EFL1: variants seen among roughly 807,000 people sequenced by gnomAD.
EFL1 encodes the protein elongation factor like GTPase 1, also known as elongation factor-like GTPase 1.
A neutral mutation model predicts 126.7 loss-of-function variants in EFL1; 76 were observed. The ratio of observed to expected loss-of-function variants is 0.60; its 90% CI spans 0.50 to 0.73. The LOEUF (loss-of-function observed/expected upper bound fraction) is 0.73, where lower values mean the gene tolerates loss of function less well. Ranked by LOEUF, EFL1 falls within the 30% of genes least tolerant of loss-of-function variation. EFL1 has a pLI of 0.00. For missense variants in EFL1, 1,128 were observed against 1,343.2 expected (o/e 0.84, Z 2.50); for synonymous variants, 410 against 448.4 (o/e 0.91, Z 1.08).
Position 82,259,121 on chromosome 15 carries a change from G to A in EFL1, c.126C>T (p.Ser42=), listed in dbSNP as rs758970278. 10 of 1,613,856 alleles carry A rather than the reference G, an allele frequency of 6.2e-6. No individual in the cohort carries two copies. The African/African-American group carries it at 1.3e-4, about 22-fold the overall frequency. The change falls in exon 3 of 20, where the codon AGC becomes AGT. Residue 42 remains serine, a synonymous_variant. Transcript: ENST00000268206. Reference sequence around the variant, plus strand: ...CTAGGCGGCTGGAGATGATTCCATTGCTAGATATAAGACAGTCAGCCAGAG... The same window carrying A: ...CTAGGCGGCTGGAGATGATTCCATTACTAGATATAAGACAGTCAGCCAGAG... ...KTTLADCLIS[S]NGIISSRLAG... is the part of the protein sequence containing the mutation.
intron 3 of EFL1, among the ~76,000 whole-genome samples, chr15:82,258,629 T>C (rs962372444): frequency 7.2e-5 from 11 of 152,342 alleles, no homozygotes; most frequent in Non-Finnish European, 1.3e-4. Context: ...GATACTTAGG[T>C]TAACTTTTAA....
Position 82,219,672 on chromosome 15 carries a change from G to A in EFL1, c.1591C>T (p.Pro531Ser), listed in dbSNP as rs2074687441. 1 of 1,612,196 alleles carries A rather than the reference G, an allele frequency of 6.2e-7. No homozygotes were observed. The change falls in exon 14 of 20, where the codon CCT becomes TCT. Residue 531 changes from proline (P) to serine (S), a missense_variant. By Grantham distance (74) the Pro-to-Ser change is moderately conservative. Around this residue, in one of 6 missense-constraint regions of EFL1, gnomAD observed 120 missense variants for 142.1 expected, o/e 0.84. Coordinates refer to ENST00000268206, the MANE Select transcript of EFL1 (RefSeq NM_024580.6). ...KIFVLGPKYS[P>S]LEFLRRVPLG... Reference sequence around the variant, plus strand: ...CTTACCCTTCGTAAAAACTCAAGAGGACTGTATTTGGGCCCCAAGACAAAA... The same window carrying A: ...CTTACCCTTCGTAAAAACTCAAGAGAACTGTATTTGGGCCCCAAGACAAAA...
chr15:82,235,066 A>G (rs1380752877), intron 7 of EFL1, among the ~76,000 whole-genome samples: 8 of 152,160 alleles, frequency 5.3e-5, no homozygotes, highest in Non-Finnish European at 1.2e-4. Context: ...CTTATACCCC[A>G]TAGGGAAGAC....
chr15:82,247,248 G>A (rs1328189104), intron 4 of EFL1, among the ~76,000 whole-genome samples: 1 of 152,144 alleles, frequency 6.6e-6, no homozygotes. Context: ...GGTCGAAGAT[G>A]GATAGCTCAA....
chr15:82,186,379 C>G (rs979080976), intron 15 of EFL1, among the ~76,000 whole-genome samples: 2 of 152,194 alleles, frequency 1.3e-5, no homozygotes, highest in Non-Finnish European at 2.9e-5. Context: ...ACTATATTGT[C>G]TGGCTCTTTA....
chr15:82,254,387 C>A (rs2075049242), intron 3 of EFL1, among the ~76,000 whole-genome samples: 1 of 151,972 alleles, frequency 6.6e-6, no homozygotes. Flanking sequence ...TTTTTAAGCA[C>A]TGAATTGGTA....
intron 17 of EFL1, among the ~76,000 whole-genome samples, chr15:82,156,292 A>ATTCTATTTT (rs1269771003): frequency 6.6e-6 from 1 of 152,092 alleles, no homozygotes; most frequent in East Asian, 1.9e-4. Flanking sequence ...AGCAGCAGTT[A>ATTCTATTTT]TTCTATTTTT....
chr15:82,166,418 T>C (rs2074080103), intron 15 of EFL1, among the ~76,000 whole-genome samples: 1 of 152,238 alleles, frequency 6.6e-6, no homozygotes, highest in South Asian at 2.1e-4. Flanking sequence ...TTAGAATTTA[T>C]GGAAAAAGCA....
intron 14 of EFL1, among the ~76,000 whole-genome samples, chr15:82,217,723 C>T (rs377257806): frequency 1.7e-4 from 26 of 152,294 alleles, no homozygotes; most frequent in African/African-American, 6.3e-4. Flanking sequence ...AGTGTTCACA[C>T]CTTTGTTTAG....
At chr15:82,161,457 A>C (rs1458262188) in intron 16 of EFL1, among the ~76,000 whole-genome samples, 1 of 152,218 alleles carries the variant, frequency 6.6e-6, no homozygotes, top group African/African-American at 2.4e-5. Context: ...TCTGAATGTA[A>C]AATAACATGT....
At chr15:82,247,575 T>C (rs187894822) in intron 4 of EFL1, among the ~76,000 whole-genome samples, 1 of 152,168 alleles carries the variant, frequency 6.6e-6, no homozygotes, top group Admixed American at 6.5e-5. Context: ...GGCAATCCCA[T>C]ATGCTAACCC....
intron 15 of EFL1, among the ~76,000 whole-genome samples, chr15:82,170,746 C>T (rs2074127229): frequency 1.3e-5 from 2 of 152,138 alleles, no homozygotes; most frequent in African/African-American, 4.8e-5. Flanking sequence ...ACAAGGAAAG[C>T]TGTAATAACT....
chr15:82,137,268 A>C (rs1440187946), intron 19 of EFL1, among the ~76,000 whole-genome samples: 1 of 152,164 alleles, frequency 6.6e-6, no homozygotes, highest in Admixed American at 6.5e-5. Flanking sequence ...AACTCTTCTT[A>C]AAGTGTTCTG....
intron 15 of EFL1, among the ~76,000 whole-genome samples, chr15:82,208,722 A>G (rs1207245790): frequency 6.6e-6 from 1 of 152,152 alleles, no homozygotes; most frequent in East Asian, 1.9e-4. Flanking sequence ...GCAAGGAGAA[A>G]AACTCTATAA....
intron 8 of EFL1, among the ~76,000 whole-genome samples, chr15:82,230,339 A>T (rs1307774382): frequency 6.6e-6 from 1 of 152,184 alleles, no homozygotes; most frequent in Non-Finnish European, 1.5e-5. Context: ...CAAGAAAAGT[A>T]TCCTTTGAGG....
chr15:82,156,017 G>A (rs72749536), intron 17 of EFL1, among the ~76,000 whole-genome samples: 3,807 of 152,160 alleles, frequency 0.025, 71 homozygotes, highest in Non-Finnish European at 0.034. Flanking sequence ...CTAACCCTGC[G>A]GTCAGCCTCC....
At position 82,261,148 on chromosome 15, in the gene EFL1, G is replaced by T. The variant is rs373521342; in HGVS notation, c.91+540C>A. Among the ~76,000 whole-genome samples, 6 of 152,004 alleles carry T rather than the reference G, an allele frequency of 3.9e-5. No homozygotes were observed. The East Asian group carries it at 7.7e-4, about 20-fold the overall frequency. Reference sequence around the variant, plus strand: ...TGTCATCTCTAATACTAATTATGTTGTGAGGTCTTTTCCTAACCCCTCACT... The same window carrying T: ...TGTCATCTCTAATACTAATTATGTTTTGAGGTCTTTTCCTAACCCCTCACT... On this transcript the variant is annotated intron_variant, in intron 2 of 19. Coordinates refer to ENST00000268206, the MANE Select transcript of EFL1 (RefSeq NM_024580.6).
At chr15:82,168,574 C>T (rs1049397219) in intron 15 of EFL1, among the ~76,000 whole-genome samples, 10 of 152,146 alleles carry the variant, frequency 6.6e-5, no homozygotes, top group African/African-American at 2.2e-4. Context: ...GCTTGTGGCG[C>T]GAGGTCAGCT....
intron 15 of EFL1, among the ~76,000 whole-genome samples, chr15:82,214,486 A>G (rs1188730746): frequency 6.6e-6 from 1 of 152,216 alleles, no homozygotes; most frequent in Admixed American, 6.5e-5. Context: ...AGGCTAGAGC[A>G]TTTACTAATT....
Sources: gnomAD v4.1 joint callset for allele counts (sites outside exome capture counted in the v4.1 genomes callset) on GRCh38, gnomAD v4.1.1 for gene constraint, gnomAD v4.1.1 regional missense constraint, MANE v1.5 for transcripts, NCBI Gene and HGNC (gene_info 2026-07-23, HGNC 2026-07-21) for gene names.